INPP4B: variants seen among roughly 807,000 people sequenced by gnomAD.
INPP4B encodes the protein inositol polyphosphate 4-phosphatase type II.
INPP4B carries 55 observed loss-of-function variants against 122.5 expected under a neutral mutation model. The ratio of observed to expected loss-of-function variants is 0.45; its 90% CI spans 0.36 to 0.56. INPP4B has a LOEUF of 0.56. Among genes scored for constraint, INPP4B ranks in the 20% least tolerant of loss-of-function variants. The probability of loss-of-function intolerance (pLI) is 0.00; values close to 1 mark genes in which losing one functional copy is unlikely to be tolerated. For missense variants in INPP4B, 1,000 were observed against 1,097.7 expected (o/e 0.91, Z 1.26); for synonymous variants, 403 against 388.7 (o/e 1.04, Z -0.43).
intron 2 of INPP4B, among the ~76,000 whole-genome samples, chr4:142,624,487 G>C (rs1376653219): frequency 6.6e-6 from 1 of 151,544 alleles, no homozygotes; most frequent in Non-Finnish European, 1.5e-5. Flanking sequence ...CAGATGAGTA[G>C]GTTGTGAAAA....
intron 2 of INPP4B, among the ~76,000 whole-genome samples, chr4:142,499,099 C>G (rs1462403157): frequency 1.3e-5 from 2 of 152,018 alleles, no homozygotes; most frequent in Non-Finnish European, 1.5e-5. Context: ...TTATCAGGAC[C>G]TTTGTAGTTA....
intron 10 of INPP4B, 32 bp downstream of exon 10, chr4:142,270,631 T>C (rs1340219006): frequency 6.5e-6 from 9 of 1,386,092 alleles, no homozygotes; most frequent in African/African-American, 1.4e-5. Context: ...ATTTTTAATT[T>C]AATTTGTACA....
chr4:142,161,885 A>T (rs1561334327), intron 16 of INPP4B, among the ~76,000 whole-genome samples: 1 of 151,890 alleles, frequency 6.6e-6, no homozygotes, highest in Non-Finnish European at 1.5e-5. Context: ...AATACTGCGT[A>T]TTGGCAGCAC....
intron 22 of INPP4B, among the ~76,000 whole-genome samples, chr4:142,110,918 T>C (rs1789691131): frequency 6.6e-6 from 1 of 152,136 alleles, no homozygotes; most frequent in South Asian, 2.1e-4. Flanking sequence ...AAGATCACAA[T>C]CACAGACCTT....
intron 1 of INPP4B, among the ~76,000 whole-genome samples, chr4:142,820,917 C>T (rs933214917): frequency 6.6e-6 from 1 of 151,990 alleles, no homozygotes; most frequent in Non-Finnish European, 1.5e-5. Flanking sequence ...AGTCCGAGTC[C>T]TTTTATTCTA....
intron 2 of INPP4B, among the ~76,000 whole-genome samples, chr4:142,629,150 G>A (rs953336840): frequency 6.6e-6 from 1 of 151,998 alleles, no homozygotes; most frequent in Non-Finnish European, 1.5e-5. Context: ...CTCAGCCCAA[G>A]TCTGCTGGAA....
chr4:142,405,196 A>G lies in INPP4B; in HGVS notation c.255+10T>C, dbSNP rs775316111. 4.1e-6 allele frequency: 6 copies of G among 1,473,186 alleles called. No homozygotes were observed. Among genetic ancestry groups the G allele is most frequent in the East Asian group, 4.5e-5 (2 of 44,136 alleles). The allele number at this position is 1,473,186 out of a possible 1,614,324, so 91.3% of individuals were successfully genotyped here. On this transcript the variant is annotated intron_variant, in intron 6 of 25. Coordinates refer to ENST00000262992, the MANE Select transcript of INPP4B (RefSeq NM_001101669.3). ...GAGAGAGAGATTAATGTAGGCACAC[A>G]GCATCTCACCTCCACAATTTCGGTG...
chr4:142,663,508 ACTGT>A (rs1321361387), intron 2 of INPP4B, among the ~76,000 whole-genome samples: 5 of 152,080 alleles, frequency 3.3e-5, no homozygotes, highest in African/African-American at 9.7e-5. Context: ...ATCTTTAAGA[ACTGT>A]CTAAGTTGAC....
chr4:142,163,724 C>A lies in INPP4B; in HGVS notation c.1360-3163G>T, dbSNP rs1316831913. On this transcript the variant is annotated intron_variant, in intron 16 of 25. Coordinates refer to ENST00000262992, the MANE Select transcript of INPP4B (RefSeq NM_001101669.3). The stretch of plus-strand genomic sequence containing the variant: ...GGTACTATCAGGGGTTTCAGGCATC[C>A]CCTGGGCGTCTTGGAACATATCCTC... Among the ~76,000 whole-genome samples the A allele has an allele frequency of 5.3e-5, 8 of 151,748 alleles. No individual in the cohort carries two copies. The East Asian group carries it at 1.4e-3, about 26-fold the overall frequency.
At chr4:142,577,456 A>G (rs1434134687) in intron 2 of INPP4B, among the ~76,000 whole-genome samples, 1 of 152,072 alleles carries the variant, frequency 6.6e-6, no homozygotes, top group African/African-American at 2.4e-5. Context: ...CACATAACAC[A>G]GTTCCTGTCC....
At chr4:142,078,791 T>C (rs999692213) in intron 25 of INPP4B, among the ~76,000 whole-genome samples, 45 of 152,052 alleles carry the variant, frequency 3.0e-4, no homozygotes, top group African/African-American at 1.0e-3. Context: ...CTTGAGTTTT[T>C]ATGATGAAGA....
intron 12 of INPP4B, among the ~76,000 whole-genome samples, chr4:142,219,303 T>G: frequency 6.6e-6 from 1 of 152,154 alleles, no homozygotes; most frequent in Admixed American, 6.5e-5. Context: ...ATTCTATAAT[T>G]TAATTTTAGG....
chr4:142,463,166 AAG>A (rs1372869834), intron 2 of INPP4B, among the ~76,000 whole-genome samples: 1 of 152,212 alleles, frequency 6.6e-6, no homozygotes, highest in Non-Finnish European at 1.5e-5. Context: ...GAACTCCTGG[AAG>A]AGTCTACCTG....
In INPP4B at chr4:142,337,938, T is replaced by C. The variant is rs188446043; in HGVS notation, c.373-23176A>G. The stretch of plus-strand genomic sequence containing the variant: ...ATGACAAAGTGAGGGGAAAAAGGAG[T>C]ATATAATTGTATATCTTTAAGAGAC... On this transcript the variant is annotated intron_variant, in intron 7 of 25. Coordinates refer to ENST00000262992, the MANE Select transcript of INPP4B (RefSeq NM_001101669.3). 9.0e-4 allele frequency among the ~76,000 whole-genome samples: 137 copies of C among 151,450 alleles called. 1 individual carries two copies. Among genetic ancestry groups the C allele is most frequent in the Non-Finnish European group, 3.7e-4 (25 of 67,868 alleles).
Position 142,314,723 on chromosome 4 carries a change from G to A in INPP4B, c.412C>T (p.Pro138Ser). Residue 138 changes from proline to serine, a missense_variant, in exon 8 of 26, where the codon CCA (proline) becomes TCA (serine). Coordinates refer to ENST00000262992, the MANE Select transcript of INPP4B (RefSeq NM_001101669.3). Reference protein sequence around the residue: ...SVLPEHKDPPPEVGRSFLGYA... With the variant: ...SVLPEHKDPPSEVGRSFLGYA... ...TTAGAAACACTTACCCCAACTTCTG[G>A]CGGGGGATCCTTATGTTCTGGTAGG... 6.2e-7 allele frequency: 1 copy of A among 1,600,960 alleles called. No individual in the cohort carries two copies. The highest frequency in any genetic ancestry group is 8.5e-7 in the Non-Finnish European group (1 of 1,175,084).
intron 1 of INPP4B, among the ~76,000 whole-genome samples, chr4:142,736,119 G>A (rs1358305202): frequency 6.6e-6 from 1 of 152,066 alleles, no homozygotes; most frequent in Admixed American, 6.6e-5. Flanking sequence ...ATCACCTAGA[G>A]TTCGTTAGAA....
At chr4:142,284,068 T>C (rs761746499) in intron 9 of INPP4B, among the ~76,000 whole-genome samples, 17 of 152,112 alleles carry the variant, frequency 1.1e-4, no homozygotes, top group Non-Finnish European at 2.4e-4. Context: ...TTTAGCAATA[T>C]GGAGCCATTA....
At chr4:142,100,906 T>G (rs919560683) in intron 23 of INPP4B, among the ~76,000 whole-genome samples, 1 of 152,090 alleles carries the variant, frequency 6.6e-6, no homozygotes, top group African/African-American at 2.4e-5. Flanking sequence ...TTTATATAAA[T>G]GTGAACTGTT....
intron 3 of INPP4B, among the ~76,000 whole-genome samples, chr4:142,450,277 G>A (rs143803106): frequency 5.2e-4 from 79 of 152,274 alleles, no homozygotes; most frequent in African/African-American, 1.7e-3. Context: ...TTGGAGGTTA[G>A]CAAGGACAGT....
Sources: gnomAD v4.1 joint callset for allele counts (sites outside exome capture counted in the v4.1 genomes callset) on GRCh38, gnomAD v4.1.1 for gene constraint, MANE v1.5 for transcripts, NCBI Gene and HGNC (gene_info 2026-07-23, HGNC 2026-07-21) for gene names.